The following SYNE2 variants were observed in gnomAD, a reference collection of about 807,000 sequenced individuals.
SYNE2 encodes nesprin-2.
SYNE2 carries 431 observed loss-of-function variants against 856.3 expected under a neutral mutation model. The ratio of observed to expected loss-of-function variants is 0.50; its 90% CI spans 0.47 to 0.55. The LOEUF (loss-of-function observed/expected upper bound fraction) is 0.55. Among genes scored for constraint, SYNE2 ranks in the 20% least tolerant of loss-of-function variants. The pLI is 0.00. For synonymous variants in SYNE2, 2,923 were observed against 2,872.3 expected (o/e 1.02, Z -0.56); for missense variants, 8,129 against 8,023.2 (o/e 1.01, Z -0.50).
intron 45 of SYNE2, among the ~76,000 whole-genome samples, chr14:64,037,913 G>A (rs146142869): frequency 1.3e-5 from 2 of 150,854 alleles, no homozygotes; most frequent in East Asian, 2.0e-4. Flanking sequence ...CCTCCCTCCC[G>A]GACCGGGCGG....
Position 64,140,228 on chromosome 14 carries a change from T to TTA in SYNE2, c.14976+158_14976+159dup, listed in dbSNP as rs796160555. Among the ~76,000 whole-genome samples, 19 of 152,188 alleles carry TTA rather than the reference T, an allele frequency of 1.2e-4. No homozygotes were observed. In the South Asian group the frequency reaches 2.7e-3, roughly 22 times the overall value. Reference sequence around the variant, plus strand: ...CTGTGTTCTTCAAACCTAGAACTGTTTATACTGTTCATTCGTTTATAATAA... The same window carrying TTA: ...CTGTGTTCTTCAAACCTAGAACTGTTTATATACTGTTCATTCGTTTATAATAA... On this transcript the variant is annotated intron_variant, in intron 80 of 115. Transcript: ENST00000555002.
intron 1 of SYNE2, among the ~76,000 whole-genome samples, chr14:63,818,017 C>G: frequency 1.0e-5 from 1 of 96,424 alleles, no homozygotes; most frequent in Non-Finnish European, 2.1e-5. Flanking sequence ...CAAGTGAGAC[C>G]CTTTCTCAAA....
In SYNE2 at chr14:64,141,926, C is replaced by A. The variant is rs372745495; in HGVS notation, c.15160-16C>A. On this transcript the variant is annotated splice_polypyrimidine_tract_variant and intron_variant, in intron 81 of 115. Coordinates refer to ENST00000555002, the MANE Select transcript of SYNE2 (RefSeq NM_182914.3). ...TAACTGCAGGCAATTAAATGGAAATCATTTTGTTCTTACAGCTTCAAATGG... is the reference window on the plus strand; with the variant it reads ...TAACTGCAGGCAATTAAATGGAAATAATTTTGTTCTTACAGCTTCAAATGG... 1.2e-6 allele frequency: 2 copies of A among 1,613,346 alleles called. No homozygotes were observed. Among genetic ancestry groups the A allele is most frequent in the African/African-American group, 1.3e-5 (1 of 74,972 alleles).
intron 1 of SYNE2, among the ~76,000 whole-genome samples, chr14:63,766,331 C>T (rs947101240): frequency 6.6e-6 from 1 of 152,158 alleles, no homozygotes; most frequent in Non-Finnish European, 1.5e-5. Flanking sequence ...CCGCCCGCCT[C>T]AGCATCCCAA....
At chr14:63,765,493 C>T (rs1886640753) in intron 1 of SYNE2, among the ~76,000 whole-genome samples, 1 of 152,124 alleles carries the variant, frequency 6.6e-6, no homozygotes, top group South Asian at 2.1e-4. Context: ...GCTGAGACTA[C>T]AGGTGCCCGC....
At chr14:63,883,823 T>G (rs539930954) in intron 1 of SYNE2, among the ~76,000 whole-genome samples, 7 of 152,140 alleles carry the variant, frequency 4.6e-5, no homozygotes, top group African/African-American at 1.7e-4. Context: ...AATATAAATG[T>G]AGCCTTGGTT....
chr14:63,892,725 CTTTCTT>C (rs1334101311), intron 1 of SYNE2, among the ~76,000 whole-genome samples: 1 of 97,432 alleles, frequency 1.0e-5, no homozygotes, highest in African/African-American at 4.2e-5. Flanking sequence ...CCTTGGTGTA[CTTTCTT>C]TTTTTTTTTT....
intron 1 of SYNE2, among the ~76,000 whole-genome samples, chr14:63,867,644 G>A (rs1268434112): frequency 6.6e-6 from 1 of 152,172 alleles, no homozygotes; most frequent in African/African-American, 2.4e-5. Context: ...GTTGCAGTAA[G>A]CCGAGGTCAC....
In SYNE2 at chr14:63,999,012, G is replaced by GTCTGCAGGCTAAACTGACAGATCTAC; in HGVS notation, c.3453_3478dup (p.Gln1160LeufsTer6). On this transcript the variant is annotated frameshift_variant, in exon 27 of 116. Coordinates refer to ENST00000555002, the MANE Select transcript of SYNE2 (RefSeq NM_182914.3). LOFTEE classifies it high-confidence loss of function. ...AGTGAAGAGGACAGGAGTAGTTCTT[G>GTCTGCAGGCTAAACTGACAGATCTAC]TCTGCAGGCTAAACTGACAGATCTA... 1 of 1,613,894 alleles carries GTCTGCAGGCTAAACTGACAGATCTAC rather than the reference G, an allele frequency of 6.2e-7. No homozygotes were observed. Among genetic ancestry groups the GTCTGCAGGCTAAACTGACAGATCTAC allele is most frequent in the East Asian group, 2.2e-5 (1 of 44,854 alleles).
chr14:64,081,615 C>G, intron 57 of SYNE2, 35 bp downstream of exon 57: 1 of 1,611,172 alleles, frequency 6.2e-7, no homozygotes, highest in South Asian at 1.1e-5. Context: ...CCACTCATAG[C>G]ATCTACATAA....
At position 64,208,898 on chromosome 14, in the gene SYNE2, C is replaced by G. The variant is rs769770608; in HGVS notation, c.18342C>G (p.Asp6114Glu). 3.7e-6 allele frequency: 6 copies of G among 1,614,202 alleles called. No homozygotes were observed. Among genetic ancestry groups the G allele is most frequent in the Non-Finnish European group, 1.7e-6 (2 of 1,180,036 alleles). ...TCCAGCAGACCACCAGGAGCCTGGA[C>G]AGACGCTGGAGGAACATTTGTGCCA... ...DSIQQTTRSLDRRWRNICAMS... is the reference protein window; with the variant it reads ...DSIQQTTRSLERRWRNICAMS... The change falls in exon 101 of 116, where the codon GAC becomes GAG. Residue 6114 changes from aspartate (D) to glutamate (E), a missense_variant. By Grantham distance (45) the Asp-to-Glu change is conservative. Transcript: ENST00000555002.
intron 2 of SYNE2, among the ~76,000 whole-genome samples, chr14:63,912,956 G>C (rs1337319409): frequency 6.6e-6 from 1 of 151,888 alleles, no homozygotes; most frequent in Non-Finnish European, 1.5e-5. Context: ...TTTTTTGAGA[G>C]AGGGTCTTGC....
Position 64,062,896 on chromosome 14 carries a change from G to A in SYNE2, c.10212+1G>A. 5.6e-6 allele frequency: 9 copies of A among 1,614,104 alleles called. No homozygotes were observed. Among genetic ancestry groups the A allele is most frequent in the Non-Finnish European group, 7.6e-6 (9 of 1,180,016 alleles). Reference sequence around the variant, plus strand: ...TTTAGAGCGCTTGGAACAGAGCAAGGTAATAGTATTGGCAATTAGCCAGTA... The same window carrying A: ...TTTAGAGCGCTTGGAACAGAGCAAGATAATAGTATTGGCAATTAGCCAGTA... On this transcript the variant is annotated splice_donor_variant, in intron 50 of 115. Coordinates refer to ENST00000555002, the MANE Select transcript of SYNE2 (RefSeq NM_182914.3). LOFTEE classifies it high-confidence loss of function.
intron 55 of SYNE2, 51 bp downstream of exon 55, chr14:64,078,657 C>G (rs561702234): frequency 6.2e-7 from 1 of 1,602,830 alleles, no homozygotes; most frequent in Non-Finnish European, 8.5e-7. Context: ...TGACCCACTC[C>G]TGCCTTGTTC....
rs116433712 is a variant in SYNE2 at position 63,867,800 on chromosome 14, A to G, written c.-52+14657A>G. ...CAGCCAGCCAAGGTGGTTCATGCCT[A>G]TAATCCCAGCCCTTTGGGAGGTTGT... On this transcript the variant is annotated intron_variant, in intron 1 of 115. Transcript: ENST00000555002. Among the ~76,000 whole-genome samples, 967 of 152,088 alleles carry G rather than the reference A, an allele frequency of 6.4e-3. 6 individuals are homozygous for G. The highest frequency in any genetic ancestry group is 0.022 in the African/African-American group (927 of 41,498).
chr14:63,965,833 C>T (rs903946336), intron 10 of SYNE2, among the ~76,000 whole-genome samples: 2 of 152,184 alleles, frequency 1.3e-5, no homozygotes, highest in African/African-American at 4.8e-5. Flanking sequence ...GGCTTCTTGA[C>T]CTTCTTCCCT....
At chr14:63,962,216 C>T (rs190299430) in intron 9 of SYNE2, among the ~76,000 whole-genome samples, 158 of 151,772 alleles carry the variant, frequency 1.0e-3, no homozygotes, top group Middle Eastern at 3.4e-3. Flanking sequence ...CCACCATACC[C>T]GGCTGATTTT....
chr14:63,854,563 T>C (rs1891259875), intron 1 of SYNE2, among the ~76,000 whole-genome samples: 1 of 151,346 alleles, frequency 6.6e-6, no homozygotes, highest in African/African-American at 2.5e-5. Context: ...CCTCATTAAG[T>C]TTTTTCGTGG....
At chr14:63,843,328 G>A (rs1229246669) in intron 1 of SYNE2, among the ~76,000 whole-genome samples, 1 of 152,148 alleles carries the variant, frequency 6.6e-6, no homozygotes, top group Non-Finnish European at 1.5e-5. Flanking sequence ...TTACAGGTGT[G>A]ATCCACTGTG....
Sources: allele counts gnomAD v4.1 joint callset (sites outside exome capture counted in the v4.1 genomes callset), GRCh38; gene constraint gnomAD v4.1.1; transcripts MANE v1.5; gene names NCBI Gene and HGNC (gene_info 2026-07-23, HGNC 2026-07-21).